GPC6: variants seen among roughly 807,000 people sequenced by gnomAD.
GPC6 encodes the protein glypican 6, also known as glypican-6.
Under a neutral mutation model 55.2 loss-of-function variants are expected in GPC6, and 14 were observed. The ratio of observed to expected loss-of-function variants is 0.25; its 90% CI spans 0.17 to 0.40. GPC6 has a LOEUF of 0.40. Among genes scored for constraint, GPC6 ranks in the 10% least tolerant of loss-of-function variants. GPC6 has a pLI of 1.00. For missense variants in GPC6, 641 were observed against 708.5 expected (o/e 0.90, Z 1.08); for synonymous variants, 278 against 259.6 (o/e 1.07, Z -0.68).
intron 3 of GPC6, among the ~76,000 whole-genome samples, chr13:93,877,989 G>A (rs1874697528): frequency 1.3e-5 from 2 of 152,032 alleles, no homozygotes; most frequent in African/African-American, 4.8e-5. Flanking sequence ...TTGAAAAGCA[G>A]TACATTTTAA....
chr13:94,134,788 T>G (rs1292231089), intron 4 of GPC6, among the ~76,000 whole-genome samples: 1 of 152,202 alleles, frequency 6.6e-6, no homozygotes, highest in African/African-American at 2.4e-5. Flanking sequence ...GGTTTCTATT[T>G]AAGGTCACTC....
intron 3 of GPC6, among the ~76,000 whole-genome samples, chr13:93,953,026 G>GCTCCTTGCTCCC (rs1879341665): frequency 1.3e-5 from 2 of 151,112 alleles, no homozygotes; most frequent in South Asian, 4.2e-4. Context: ...TTCTTAAGCT[G>GCTCCTTGCTCCC]CTTCTTGCTC....
intron 1 of GPC6, among the ~76,000 whole-genome samples, chr13:93,479,656 G>T (rs144183973): frequency 6.6e-6 from 1 of 152,052 alleles, no homozygotes; most frequent in Non-Finnish European, 1.5e-5. Context: ...AGGTGTGGTG[G>T]TATGCTATCA....
chr13:93,353,411 A>G lies in GPC6; in HGVS notation c.160+125795A>G, dbSNP rs540387167. Among the ~76,000 whole-genome samples, 6 of 152,334 alleles carry G rather than the reference A, an allele frequency of 3.9e-5. No individual in the cohort carries two copies. The South Asian group carries it at 1.0e-3, about 26-fold the overall frequency. ...ATGAGTGCCAAGTGATGTTTGTGGC[A>G]TAATAACTAGGAGCATGTGGGGTCC... On this transcript the variant is annotated intron_variant, in intron 1 of 8. Transcript: ENST00000377047.
intron 2 of GPC6, among the ~76,000 whole-genome samples, chr13:93,701,323 T>C (rs1437238860): frequency 6.6e-6 from 1 of 152,104 alleles, no homozygotes; most frequent in Non-Finnish European, 1.5e-5. Flanking sequence ...ATCATTGGTT[T>C]CTCAGTGCAT....
chr13:93,354,349 ATT>A (rs11454186), intron 1 of GPC6, among the ~76,000 whole-genome samples: 6 of 115,780 alleles, frequency 5.2e-5, no homozygotes, highest in African/African-American at 1.0e-4. Context: ...CCGTTGGTAG[ATT>A]TTTTTTTTTT....
chr13:93,781,672 G>A (rs917139556), intron 2 of GPC6, among the ~76,000 whole-genome samples: 2 of 152,142 alleles, frequency 1.3e-5, no homozygotes, highest in African/African-American at 4.8e-5. Context: ...CTCTGAAAAT[G>A]TCTGAGACTG....
chr13:94,043,469 A>G (rs146624389), intron 4 of GPC6, among the ~76,000 whole-genome samples: 123 of 152,084 alleles, frequency 8.1e-4, no homozygotes, highest in African/African-American at 2.9e-3. Flanking sequence ...TGTTAACAAC[A>G]TACATACATA....
intron 2 of GPC6, among the ~76,000 whole-genome samples, chr13:93,621,412 G>T (rs768039087): frequency 8.6e-5 from 13 of 152,012 alleles, no homozygotes; most frequent in Non-Finnish European, 1.5e-4. Flanking sequence ...CATAAAAATG[G>T]TATTATCCTT....
At chr13:93,547,391 C>G (rs1874863407) in intron 2 of GPC6, among the ~76,000 whole-genome samples, 1 of 151,912 alleles carries the variant, frequency 6.6e-6, no homozygotes, top group African/African-American at 2.4e-5. Flanking sequence ...ACAAGACGAG[C>G]CTTATACTTA....
At chr13:93,468,745 C>G (rs1392123618) in intron 1 of GPC6, among the ~76,000 whole-genome samples, 1 of 152,148 alleles carries the variant, frequency 6.6e-6, no homozygotes, top group African/African-American at 2.4e-5. Flanking sequence ...GGTAAACTAA[C>G]TGGGGCAATT....
chr13:93,566,765 C>T (rs537526018), intron 2 of GPC6, among the ~76,000 whole-genome samples: 1 of 152,090 alleles, frequency 6.6e-6, no homozygotes, highest in African/African-American at 2.4e-5. Flanking sequence ...CTCCCTGTAC[C>T]CATATGTTCT....
At chr13:93,385,347 G>A (rs773865329) in intron 1 of GPC6, among the ~76,000 whole-genome samples, 16 of 152,228 alleles carry the variant, frequency 1.1e-4, no homozygotes, top group Non-Finnish European at 2.4e-4. Context: ...CATAAGCCGG[G>A]GCAAGTGCTT....
At chr13:94,383,857 G>A (rs1342138439) in intron 7 of GPC6, among the ~76,000 whole-genome samples, 5 of 152,182 alleles carry the variant, frequency 3.3e-5, no homozygotes, top group African/African-American at 7.2e-5. Context: ...GAAGACAAAG[G>A]CGAAGCAGGT....
At chr13:94,330,952 T>G (rs1024308519) in intron 6 of GPC6, among the ~76,000 whole-genome samples, 1 of 152,176 alleles carries the variant, frequency 6.6e-6, no homozygotes, top group African/African-American at 2.4e-5. Context: ...TCTACGAGTT[T>G]AGTATCTTCC....
intron 8 of GPC6, among the ~76,000 whole-genome samples, chr13:94,399,306 A>G (rs9556369): frequency 0.11 from 17,122 of 152,256 alleles, 1,713 homozygotes; most frequent in East Asian, 0.56. Flanking sequence ...TTCTAGTGCA[A>G]TATTACACAC....
At chr13:94,109,337 G>C (rs2138837399) in intron 4 of GPC6, among the ~76,000 whole-genome samples, 1 of 152,130 alleles carries the variant, frequency 6.6e-6, no homozygotes, top group Non-Finnish European at 1.5e-5. Flanking sequence ...TCTATCACTT[G>C]TTATTATTAT....
At chr13:94,333,789 A>G (rs1877544131) in intron 6 of GPC6, among the ~76,000 whole-genome samples, 1 of 152,092 alleles carries the variant, frequency 6.6e-6, no homozygotes, top group African/African-American at 2.4e-5. Flanking sequence ...TTCCCTTTCC[A>G]CTGCAACAGG....
At chr13:93,789,057 GA>G (rs1249229586) in intron 2 of GPC6, among the ~76,000 whole-genome samples, 11 of 151,980 alleles carry the variant, frequency 7.2e-5, no homozygotes, top group Non-Finnish European at 1.2e-4. Context: ...TTGGATGTGA[GA>G]GAAGGAAAAG....
Sources: allele counts gnomAD v4.1 joint callset (sites outside exome capture counted in the v4.1 genomes callset), GRCh38; gene constraint gnomAD v4.1.1; transcripts MANE v1.5; gene names NCBI Gene and HGNC (gene_info 2026-07-23, HGNC 2026-07-21).